VRK1: variants seen among roughly 807,000 people sequenced by gnomAD.
VRK1 encodes the protein VRK serine/threonine kinase 1.
A neutral mutation model predicts 57.1 loss-of-function variants in VRK1; 33 were observed. The observed-to-expected ratio is 0.58, with a 90% CI of 0.44 to 0.77. VRK1 has a LOEUF of 0.77. VRK1 is among the 30% of genes least tolerant of loss of function. The pLI is 0.00. For synonymous variants in VRK1, 137 were observed against 147.8 expected (o/e 0.93, Z 0.53); for missense variants, 413 against 477.3 (o/e 0.87, Z 1.25).
chr14:96,821,622 GC>G (rs1461045897), intron 1 of VRK1, among the ~76,000 whole-genome samples: 6 of 152,062 alleles, frequency 3.9e-5, no homozygotes, highest in African/African-American at 1.2e-4. Context: ...TTTCTGCCTT[GC>G]CCCCTTACAG....
intron 3 of VRK1, among the ~76,000 whole-genome samples, chr14:96,839,177 C>T (rs1887352923): frequency 1.4e-5 from 2 of 140,102 alleles, no homozygotes; most frequent in African/African-American, 2.7e-5. Flanking sequence ...TTTGTAACTT[C>T]TTATGCTCAG....
chr14:96,801,381 G>A (rs1484818880), intron 1 of VRK1, among the ~76,000 whole-genome samples: 1 of 152,170 alleles, frequency 6.6e-6, no homozygotes, highest in Non-Finnish European at 1.5e-5. Context: ...AATATTAAGT[G>A]TTAGAAAGAA....
intron 1 of VRK1, among the ~76,000 whole-genome samples, chr14:96,803,750 C>T (rs1043437684): frequency 7.2e-5 from 11 of 152,076 alleles, no homozygotes; most frequent in Non-Finnish European, 1.3e-4. Context: ...ATTTTTTGTG[C>T]GTACTGGTAT....
At chr14:96,864,111 C>T (rs1031375955) in intron 11 of VRK1, among the ~76,000 whole-genome samples, 1 of 152,092 alleles carries the variant, frequency 6.6e-6, no homozygotes, top group Non-Finnish European at 1.5e-5. Context: ...ATGGTTTGAT[C>T]ATAGTACTGT....
chr14:96,820,443 C>T (rs115046965), intron 1 of VRK1, among the ~76,000 whole-genome samples: 1,618 of 152,256 alleles, frequency 0.011, 23 homozygotes, highest in South Asian at 0.055. Context: ...CTCATCTTCA[C>T]GCCTCTCATT....
intron 1 of VRK1, among the ~76,000 whole-genome samples, chr14:96,827,711 A>G (rs1415268130): frequency 6.6e-6 from 1 of 152,168 alleles, no homozygotes; most frequent in Non-Finnish European, 1.5e-5. Flanking sequence ...AGCACTTGAC[A>G]ACTTTTTACA....
rs192786860 is a variant in VRK1 at position 96,864,780 on chromosome 14, A to G, written c.1068+4045A>G. ...TCTTGCATTATATTTAATTTCTCCT[A>G]TTTTGGTGGACGTGCACTGATTTGT... is the stretch of plus-strand genomic sequence containing the variant. On this transcript the variant is annotated intron_variant, in intron 11 of 12. Coordinates refer to ENST00000216639, the MANE Select transcript of VRK1 (RefSeq NM_003384.3). Among the ~76,000 whole-genome samples, 693 of 152,080 alleles carry G rather than the reference A, an allele frequency of 4.6e-3. 5 individuals carry two copies. Among genetic ancestry groups the G allele is most frequent in the African/African-American group, 0.016 (661 of 41,488 alleles).
intron 1 of VRK1, among the ~76,000 whole-genome samples, chr14:96,827,294 C>T (rs1886835515): frequency 6.6e-6 from 1 of 152,000 alleles, no homozygotes; most frequent in African/African-American, 2.4e-5. Flanking sequence ...TTTTCTTTTC[C>T]TGGACAGTGT....
At chr14:96,809,217 C>T (rs1261534035) in intron 1 of VRK1, among the ~76,000 whole-genome samples, 1 of 152,182 alleles carries the variant, frequency 6.6e-6, no homozygotes, top group East Asian at 1.9e-4. Flanking sequence ...CTTCAGAAGT[C>T]ATATAATCTC....
At chr14:96,808,774 T>C (rs571635667) in intron 1 of VRK1, among the ~76,000 whole-genome samples, 162 of 152,250 alleles carry the variant, frequency 1.1e-3, no homozygotes, top group Admixed American at 4.7e-3. Context: ...TGGTTATCTA[T>C]CCCTGCATAA....
chr14:96,833,187 A>G (rs1374173747), intron 1 of VRK1, among the ~76,000 whole-genome samples: 4 of 152,172 alleles, frequency 2.6e-5, no homozygotes, highest in Non-Finnish European at 5.9e-5. Context: ...TTGTTATTAA[A>G]TAGCATTTTT....
At chr14:96,840,954 C>T (rs1887435975) in intron 3 of VRK1, among the ~76,000 whole-genome samples, 1 of 150,952 alleles carries the variant, frequency 6.6e-6, no homozygotes, top group African/African-American at 2.4e-5. Context: ...CTCCTGGGTT[C>T]AAGTGATCCT....
intron 11 of VRK1, among the ~76,000 whole-genome samples, chr14:96,871,602 C>T (rs1888825117): frequency 6.6e-6 from 1 of 152,120 alleles, no homozygotes; most frequent in African/African-American, 2.4e-5. Flanking sequence ...TTTGCTTTAA[C>T]TATTTTATAG....
intron 12 of VRK1, among the ~76,000 whole-genome samples, chr14:96,878,904 A>G (rs924854330): frequency 1.3e-5 from 2 of 152,158 alleles, no homozygotes; most frequent in Admixed American, 6.5e-5. Context: ...TAGCTAATAT[A>G]GCCATGATAT....
At chr14:96,843,705 A>G (rs1419584674) in intron 3 of VRK1, among the ~76,000 whole-genome samples, 1 of 152,224 alleles carries the variant, frequency 6.6e-6, no homozygotes, top group Non-Finnish European at 1.5e-5. Flanking sequence ...AGAGTTGGCA[A>G]AGTATTTTAG....
intron 2 of VRK1, among the ~76,000 whole-genome samples, chr14:96,835,664 A>G (rs1887183873): frequency 6.6e-6 from 1 of 152,224 alleles, no homozygotes; most frequent in Admixed American, 6.5e-5. Flanking sequence ...GTCTCAATGA[A>G]TGACAGCCTT....
At chr14:96,860,280 ATAGT>A (rs1353196188) in intron 10 of VRK1, among the ~76,000 whole-genome samples, 1 of 152,072 alleles carries the variant, frequency 6.6e-6, no homozygotes, top group Non-Finnish European at 1.5e-5. Flanking sequence ...TAATACTATA[ATAGT>A]TATTTTTATG....
At chr14:96,880,094 A>G (rs1889198458) in intron 12 of VRK1, among the ~76,000 whole-genome samples, 1 of 152,174 alleles carries the variant, frequency 6.6e-6, no homozygotes, top group Non-Finnish European at 1.5e-5. Context: ...TGAGTGGCAG[A>G]AAAAAGGATA....
intron 1 of VRK1, among the ~76,000 whole-genome samples, chr14:96,803,966 T>G (rs1006159920): frequency 1.3e-5 from 2 of 152,220 alleles, no homozygotes; most frequent in African/African-American, 2.4e-5. Context: ...ATTCTCTCAG[T>G]CTCTGGCTTG....
Sources: gnomAD v4.1 joint callset for allele counts (sites outside exome capture counted in the v4.1 genomes callset) on GRCh38, gnomAD v4.1.1 for gene constraint, MANE v1.5 for transcripts, NCBI Gene and HGNC (gene_info 2026-07-23, HGNC 2026-07-21) for gene names.